Variants in ARIH1 observed in about 807,000 individuals in gnomAD.
ARIH1 encodes E3 ubiquitin-protein ligase ARIH1.
ARIH1 carries 8 observed loss-of-function variants against 85.0 expected under a neutral mutation model. The observed-to-expected ratio is 0.09, with a 90% CI of 0.06 to 0.17. ARIH1 has a LOEUF of 0.17. Among genes scored for constraint, ARIH1 ranks in the 10% least tolerant of loss-of-function variants. ARIH1 has a pLI of 1.00. For missense variants in ARIH1, 311 were observed against 718.1 expected, an observed-to-expected ratio of 0.43 and a Z score of 6.48; for synonymous variants, 238 against 253.6, an observed-to-expected ratio of 0.94 and a Z score of 0.59.
At chr15:72,567,074 G>A in intron 8 of ARIH1, 32 bp from the exon 9 acceptor site, 1 of 1,539,608 alleles carries the variant, frequency 6.5e-7, no homozygotes, top group South Asian at 1.2e-5. Flanking sequence ...AAAGTCTTTT[G>A]TTGTATCCTA....
At chr15:72,517,057 G>A (rs2063978173) in intron 1 of ARIH1, among the ~76,000 whole-genome samples, 1 of 152,102 alleles carries the variant, frequency 6.6e-6, no homozygotes, top group African/African-American at 2.4e-5. Context: ...CATGGGAAAT[G>A]GAGATATTTG....
At chr15:72,525,383 A>G (rs2140414780) in intron 2 of ARIH1, among the ~76,000 whole-genome samples, 1 of 152,358 alleles carries the variant, frequency 6.6e-6, no homozygotes, top group Middle Eastern at 3.4e-3. Flanking sequence ...GCAAACTGAG[A>G]AAGTGATTTC....
intron 3 of ARIH1, among the ~76,000 whole-genome samples, chr15:72,546,150 T>C (rs899568907): frequency 6.6e-6 from 1 of 152,114 alleles, no homozygotes; most frequent in Non-Finnish European, 1.5e-5. Context: ...CAAGTGATCC[T>C]TTTCCCTCAG....
chr15:72,556,138 T>C lies in ARIH1; in HGVS notation c.737+231T>C, dbSNP rs558578644. Among the ~76,000 whole-genome samples, 16 of 152,272 alleles carry C rather than the reference T, an allele frequency of 1.1e-4. No individual in the cohort carries two copies. The East Asian group carries it at 2.9e-3, about 28-fold the overall frequency. On this transcript the variant is annotated intron_variant, in intron 5 of 13. Transcript: ENST00000379887. ...AGCTAGATTTTGATAAACCTTGGGA[T>C]TGGAGATTAGAATGTGTGTATGTGT...
intron 1 of ARIH1, among the ~76,000 whole-genome samples, chr15:72,475,617 A>G (rs1182413130): frequency 6.6e-6 from 1 of 152,202 alleles, no homozygotes; most frequent in Non-Finnish European, 1.5e-5. Context: ...TTCTGCTTAC[A>G]TCTTTTTTAT....
At chr15:72,562,120 A>ACTAAT (rs992509305) in intron 6 of ARIH1, among the ~76,000 whole-genome samples, 1 of 152,202 alleles carries the variant, frequency 6.6e-6, no homozygotes, top group African/African-American at 2.4e-5. Flanking sequence ...GTAGTAGATT[A>ACTAAT]CTAATCGTGT....
chr15:72,540,258 CAAAAA>C (rs10615863), intron 2 of ARIH1, among the ~76,000 whole-genome samples: 3 of 81,364 alleles, frequency 3.7e-5, no homozygotes, highest in East Asian at 3.4e-4. Flanking sequence ...GACTTTGTCT[CAAAAA>C]AAAAAAAAAA....
rs1036828375 is a variant in ARIH1 at position 72,596,044 on chromosome 15, C to T, written c.*12752C>T. ...CCATATTGGCCAGGCTGGTCTTGAACTCCTGGCCTCAGGTGATCTGCCCAC... is the reference window on the plus strand; with the variant it reads ...CCATATTGGCCAGGCTGGTCTTGAATTCCTGGCCTCAGGTGATCTGCCCAC... On this transcript the variant is annotated 3_prime_UTR_variant, in exon 14 of 14. Transcript: ENST00000379887. 1.3e-5 allele frequency: 2 copies of T among 152,128 alleles called. No homozygotes were observed. Among genetic ancestry groups the T allele is most frequent in the African/African-American group, 2.4e-5 (1 of 41,426 alleles). The allele number at this position is 152,128 out of a possible 1,614,324, so 9.4% of individuals were successfully genotyped here. A position where few individuals can be genotyped will look rare whatever the true frequency, so the allele number is the denominator to read the frequency against.
At chr15:72,560,548 T>C (rs1487029346) in intron 5 of ARIH1, among the ~76,000 whole-genome samples, 5 of 152,226 alleles carry the variant, frequency 3.3e-5, no homozygotes, top group Admixed American at 6.5e-5. Context: ...CATTCAAACC[T>C]AGGCTGTCCC....
chr15:72,518,045 T>G, intron 1 of ARIH1, 22 bp from the exon 2 acceptor site: 1 of 1,583,896 alleles, frequency 6.3e-7, no homozygotes, highest in East Asian at 2.2e-5. Context: ...TTAAAATGAC[T>G]TTTTTTCCCC....
At chr15:72,482,033 A>G (rs2063818537) in intron 1 of ARIH1, among the ~76,000 whole-genome samples, 1 of 151,858 alleles carries the variant, frequency 6.6e-6, no homozygotes, top group East Asian at 1.9e-4. Flanking sequence ...ACGGGGTTTC[A>G]CCATGTTGGC....
intron 2 of ARIH1, among the ~76,000 whole-genome samples, chr15:72,536,384 A>C (rs915062687): frequency 1.7e-4 from 26 of 152,166 alleles, no homozygotes; most frequent in African/African-American, 6.3e-4. Flanking sequence ...CTCACTAGCT[A>C]CTGCACATAG....
chr15:72,573,315 C>T (rs1052665529), intron 11 of ARIH1, among the ~76,000 whole-genome samples: 3 of 152,154 alleles, frequency 2.0e-5, no homozygotes, highest in Admixed American at 6.5e-5. Flanking sequence ...AATCCCTGCA[C>T]TTTGGGAGGC....
rs529277180 is a variant in ARIH1 at position 72,514,255 on chromosome 15, G to A, written c.376-3812G>A. Among the ~76,000 whole-genome samples, 66 of 151,880 alleles carry A rather than the reference G, an allele frequency of 4.3e-4. No individual in the cohort carries two copies. In the South Asian group the frequency reaches 0.013, roughly 30 times the overall value. ...ATATCCTATAGGGGCCTGAGAGATT[G>A]TTTGTTTTTAAAAAATATTTCTTCT... On this transcript the variant is annotated intron_variant, in intron 1 of 13. Coordinates refer to ENST00000379887, the MANE Select transcript of ARIH1 (RefSeq NM_005744.5).
intron 1 of ARIH1, among the ~76,000 whole-genome samples, chr15:72,479,079 G>C (rs549797592): frequency 3.9e-5 from 6 of 152,028 alleles, no homozygotes. Context: ...GGCCTCAAGC[G>C]CTCCTTGAAC....
At chr15:72,530,010 T>C (rs756814246) in intron 2 of ARIH1, among the ~76,000 whole-genome samples, 1 of 152,206 alleles carries the variant, frequency 6.6e-6, no homozygotes, top group Admixed American at 6.5e-5. Flanking sequence ...TGAGCTGTTT[T>C]AACTATCCAG....
intron 1 of ARIH1, among the ~76,000 whole-genome samples, chr15:72,498,960 AATTTTTTTTTTTT>A (rs1567340062): frequency 7.6e-6 from 1 of 131,210 alleles, no homozygotes; most frequent in African/African-American, 3.0e-5. Context: ...CCTTTTCATA[AATTTTTTTTTTTT>A]TTTTTTTTTT....
chr15:72,515,902 T>A (rs986800081), intron 1 of ARIH1, among the ~76,000 whole-genome samples: 1 of 152,216 alleles, frequency 6.6e-6, no homozygotes, highest in African/African-American at 2.4e-5. Flanking sequence ...CCCAGGGGCC[T>A]TCTTTATTCC....
intron 1 of ARIH1, among the ~76,000 whole-genome samples, chr15:72,497,957 TTCATAATATACCATAGTAG>T (rs2063886413): frequency 6.6e-6 from 1 of 152,222 alleles, no homozygotes; most frequent in Non-Finnish European, 1.5e-5. Flanking sequence ...GAAGTGAAGC[TTCATAATATACCATAGTAG>T]GGATGTTTCG....
Sources: gnomAD v4.1 joint callset for allele counts (sites outside exome capture counted in the v4.1 genomes callset) on GRCh38, gnomAD v4.1.1 for gene constraint, MANE v1.5 for transcripts, NCBI Gene and HGNC (gene_info 2026-07-23, HGNC 2026-07-21) for gene names.